MSI2: variants seen among roughly 807,000 people sequenced by gnomAD.
The protein encoded by MSI2 is RNA-binding protein Musashi homolog 2.
A neutral mutation model predicts 45.6 loss-of-function variants in MSI2; 17 were observed. The observed-to-expected ratio is 0.37, with a 90% CI of 0.26 to 0.56. The LOEUF is 0.56. MSI2 is among the 20% of genes least tolerant of loss of function. The probability of loss-of-function intolerance (pLI) is 0.77; values close to 1 mark genes in which losing one functional copy is unlikely to be tolerated. For missense variants in MSI2, 293 were observed against 444.2 expected, an observed-to-expected ratio of 0.66 and a Z score of 3.06; for synonymous variants, 156 against 158.2, an observed-to-expected ratio of 0.99 and a Z score of 0.11.
intron 6 of MSI2, among the ~76,000 whole-genome samples, chr17:57,411,013 ATTTATTTAGAGACAGGGTCTC>A (rs1422015104): frequency 6.6e-6 from 1 of 152,056 alleles, no homozygotes; most frequent in Admixed American, 6.6e-5. Context: ...TATTTTACTT[ATTTATTTAGAGACAGGGTCTC>A]ACTATGGTTT....
chr17:57,689,281 T>G (rs909940654), downstream of MSI2, among the ~76,000 whole-genome samples: 3 of 152,176 alleles, frequency 2.0e-5, no homozygotes, highest in Non-Finnish European at 4.4e-5. Context: ...CTTTTTCATT[T>G]AAAAACTATT....
chr17:57,614,045 TTTTA>T (rs1907433152), intron 8 of MSI2, among the ~76,000 whole-genome samples: 1 of 152,022 alleles, frequency 6.6e-6, no homozygotes, highest in Non-Finnish European at 1.5e-5. Flanking sequence ...TTTATTTTCG[TTTTA>T]TTTATTTTTT....
chr17:57,328,751 C>A (rs944037504), intron 5 of MSI2, among the ~76,000 whole-genome samples: 2 of 149,618 alleles, frequency 1.3e-5, no homozygotes, highest in African/African-American at 4.9e-5. Context: ...TTTTTTTAAA[C>A]CCACTTGTTT....
rs114770807 is a variant in MSI2, at chr17:57,433,874, G to A, written c.405+32403G>A. On this transcript the variant is annotated intron_variant, in intron 6 of 13. Transcript: ENST00000284073. ...TCCTAACCAGTGTTTTTTGTATGAT[G>A]TGAATATTTTAAATTTTAATTTAAT... Among the ~76,000 whole-genome samples the A allele has an allele frequency of 5.5e-3, 838 of 152,246 alleles. 4 individuals carry two copies. Among genetic ancestry groups the A allele is most frequent in the African/African-American group, 0.019 (805 of 41,534 alleles).
At chr17:57,620,554 A>G (rs1235635318) in intron 9 of MSI2, among the ~76,000 whole-genome samples, 1 of 152,176 alleles carries the variant, frequency 6.6e-6, no homozygotes, top group African/African-American at 2.4e-5. Context: ...AAGCCCTACC[A>G]CTTGGACTTC....
rs76490608 is a variant in MSI2 at position 57,564,299 on chromosome 17, C to T, written c.455-32569C>T. ...CTTGTAATCAGGCATCACGTGACTCCTAGGAGCCAGTTAACAATGGTATGG... is the reference window on the plus strand; with the variant it reads ...CTTGTAATCAGGCATCACGTGACTCTTAGGAGCCAGTTAACAATGGTATGG... On this transcript the variant is annotated intron_variant, in intron 7 of 13. Coordinates refer to ENST00000284073, the MANE Select transcript of MSI2 (RefSeq NM_138962.4). Among the ~76,000 whole-genome samples the T allele has an allele frequency of 3.7e-3, 566 of 152,304 alleles. 3 individuals are homozygous for T. Among genetic ancestry groups the T allele is most frequent in the South Asian group, 0.018 (89 of 4,824 alleles).
chr17:57,499,779 G>A lies in MSI2; in HGVS notation c.406-29897G>A, dbSNP rs181404677. 2.8e-4 allele frequency among the ~76,000 whole-genome samples: 42 copies of A among 152,314 alleles called. No homozygotes were observed. The East Asian group carries it at 7.3e-3, about 27-fold the overall frequency. On this transcript the variant is annotated intron_variant, in intron 6 of 13. Coordinates refer to ENST00000284073, the MANE Select transcript of MSI2 (RefSeq NM_138962.4). Reference sequence around the variant, plus strand: ...TGCCACTGGCACAACAGGGGCTGACGAAGCATCTGTCCAAGGGATCTCAGG... The same window carrying A: ...TGCCACTGGCACAACAGGGGCTGACAAAGCATCTGTCCAAGGGATCTCAGG...
chr17:57,468,063 C>G (rs1028833766), intron 6 of MSI2, among the ~76,000 whole-genome samples: 1 of 151,970 alleles, frequency 6.6e-6, no homozygotes, highest in Non-Finnish European at 1.5e-5. Context: ...GATAAGAGCT[C>G]AGGCTCTAGA....
chr17:57,277,095 G>A (rs995120458), intron 5 of MSI2, among the ~76,000 whole-genome samples: 1 of 135,656 alleles, frequency 7.4e-6, no homozygotes, highest in African/African-American at 2.8e-5. Context: ...CTGCTGTCTC[G>A]CCCAGGCTGG....
intron 8 of MSI2, among the ~76,000 whole-genome samples, chr17:57,614,599 G>A (rs775126262): frequency 5.3e-5 from 8 of 152,174 alleles, no homozygotes; most frequent in Non-Finnish European, 1.0e-4. Context: ...GTCACTATCA[G>A]GCGGCCATGC....
At chr17:57,562,470 G>T (rs539540704) in intron 7 of MSI2, among the ~76,000 whole-genome samples, 1 of 152,202 alleles carries the variant, frequency 6.6e-6, no homozygotes, top group South Asian at 2.1e-4. Context: ...TCTCCTAGGC[G>T]ACTGGAAGTG....
rs560040080 is a variant in MSI2 at position 57,427,354 on chromosome 17, C to A, written c.405+25883C>A. ...TGGAGGTTGCAGTGAGCGGAGATCG[C>A]ACCACTGCACTCCAGCCTGGGTGAC... is the stretch of plus-strand genomic sequence containing the variant. On this transcript the variant is annotated intron_variant, in intron 6 of 13. Coordinates refer to ENST00000284073, the MANE Select transcript of MSI2 (RefSeq NM_138962.4). Among the ~76,000 whole-genome samples the A allele has an allele frequency of 2.0e-5, 3 of 151,938 alleles. No homozygotes were observed. In the South Asian group the frequency reaches 6.2e-4, roughly 32 times the overall value.
chr17:57,646,771 G>A (rs1910696151), intron 10 of MSI2, among the ~76,000 whole-genome samples: 1 of 152,164 alleles, frequency 6.6e-6, no homozygotes, highest in South Asian at 2.1e-4. Flanking sequence ...ACAAGCCGTG[G>A]CCCCTGTTCA....
intron 11 of MSI2, among the ~76,000 whole-genome samples, chr17:57,673,972 A>G (rs1223754421): frequency 6.6e-6 from 1 of 151,980 alleles, no homozygotes; most frequent in Non-Finnish European, 1.5e-5. Context: ...ACAAAAGGAA[A>G]AAAAGTTTAA....
intron 6 of MSI2, among the ~76,000 whole-genome samples, chr17:57,443,031 G>A (rs746648218): frequency 6.6e-6 from 1 of 152,302 alleles, no homozygotes; most frequent in African/African-American, 2.4e-5. Flanking sequence ...CTGATGGCTG[G>A]GGGCTTCAGG....
At position 57,358,224 on chromosome 17, in the gene MSI2, T is replaced by G. The variant is rs187388349; in HGVS notation, c.313-43155T>G. Among the ~76,000 whole-genome samples, 939 of 152,218 alleles carry G rather than the reference T, an allele frequency of 6.2e-3. 7 individuals are homozygous for G. Among genetic ancestry groups the G allele is most frequent in the African/African-American group, 0.021 (890 of 41,528 alleles). On this transcript the variant is annotated intron_variant, in intron 5 of 13. Transcript: ENST00000284073. Reference sequence around the variant, plus strand: ...GGGGGGGTGTGTGTGTGTGTGTGTGTGTGTTTATGGACAGCATTTGTACCT... The same window carrying G: ...GGGGGGGTGTGTGTGTGTGTGTGTGGGTGTTTATGGACAGCATTTGTACCT...
chr17:57,575,191 G>T (rs1598414146), intron 7 of MSI2, among the ~76,000 whole-genome samples: 2 of 135,252 alleles, frequency 1.5e-5, no homozygotes, highest in Middle Eastern at 8.6e-3. Context: ...CCCTGTTCTG[G>T]CTGGTCCCAT....
chr17:57,314,883 T>C (rs1422136925), intron 5 of MSI2, among the ~76,000 whole-genome samples: 1 of 152,160 alleles, frequency 6.6e-6, no homozygotes, highest in Non-Finnish European at 1.5e-5. Context: ...CCTGCGTTTT[T>C]AGAAGATGCC....
chr17:57,591,974 A>G (rs1295887322), intron 7 of MSI2, among the ~76,000 whole-genome samples: 1 of 151,888 alleles, frequency 6.6e-6, no homozygotes, highest in Non-Finnish European at 1.5e-5. Context: ...GGAGCTCGAG[A>G]CCAGCCTGGC....
Sources: allele counts gnomAD v4.1 joint callset (sites outside exome capture counted in the v4.1 genomes callset), GRCh38; gene constraint gnomAD v4.1.1; transcripts MANE v1.5; gene names NCBI Gene and HGNC (gene_info 2026-07-23, HGNC 2026-07-21).